The following ST14 variants were observed in gnomAD, a reference collection of about 807,000 sequenced individuals.
ST14 encodes ST14 transmembrane serine protease matriptase.
Under a neutral mutation model 96.5 loss-of-function variants are expected in ST14, and 40 were observed. The observed-to-expected ratio is 0.41, with a 90% CI of 0.32 to 0.54. The LOEUF is 0.54. Among genes scored for constraint, ST14 ranks in the 20% least tolerant of loss-of-function variants. The probability of loss-of-function intolerance (pLI) is 0.17; values close to 1 mark genes in which losing one functional copy is unlikely to be tolerated. For synonymous variants in ST14, 506 were observed against 492.1 expected, an observed-to-expected ratio of 1.03 and a Z score of -0.37; for missense variants, 1,066 against 1,188.9, an observed-to-expected ratio of 0.90 and a Z score of 1.52.
chr11:130,188,455 C>A lies in ST14; in HGVS notation c.242-75C>A. On this transcript the variant is annotated intron_variant, in intron 2 of 18. Coordinates refer to ENST00000278742, the MANE Select transcript of ST14 (RefSeq NM_021978.4). This position sits in a 1 kb window ranked among gnomAD's most constrained non-coding sequence, Gnocchi z 5.4. ...CCATGGCCCCCTCCTGGCATTCATT[C>A]CCCATTGTGGACGGCGAGGGACAGG... 6.2e-7 allele frequency: 1 copy of A among 1,609,316 alleles called. No homozygotes were observed. Among genetic ancestry groups the A allele is most frequent in the Non-Finnish European group, 8.5e-7 (1 of 1,178,816 alleles).
At chr11:130,170,409 G>T (rs189501927) in intron 1 of ST14, among the ~76,000 whole-genome samples, 27 of 152,250 alleles carry the variant, frequency 1.8e-4, no homozygotes, top group Admixed American at 1.6e-3. Context: ...TGAGGGTGGA[G>T]GGGGAGGGAG....
At chr11:130,190,007 GAGA>G in intron 5 of ST14, 103 bp from the exon 6 acceptor site, 1 of 1,610,720 alleles carries the variant, frequency 6.2e-7, no homozygotes, top group Non-Finnish European at 8.5e-7. Flanking sequence ...GTGCCCCAGA[GAGA>G]AGACTACGTG....
At chr11:130,198,469 A>T (rs1953392268) in intron 13 of ST14, 39 bp from the exon 14 acceptor site, 1 of 1,612,950 alleles carries the variant, frequency 6.2e-7, no homozygotes, top group South Asian at 1.1e-5. Flanking sequence ...GGGGCGACTG[A>T]CGGTGGCTCC....
At chr11:130,206,334 G>A (rs965302734) in intron 16 of ST14, among the ~76,000 whole-genome samples, 2 of 152,086 alleles carry the variant, frequency 1.3e-5, no homozygotes, top group East Asian at 1.9e-4. Flanking sequence ...AACAGGTTTC[G>A]CCATCATAAA....
Position 130,170,610 on chromosome 11 carries a change from G to A in ST14, c.81+10550G>A, listed in dbSNP as rs142614143. Among the ~76,000 whole-genome samples, 17 of 152,016 alleles carry A rather than the reference G, an allele frequency of 1.1e-4. 1 individual carries two copies. The East Asian group carries it at 2.9e-3, about 26-fold the overall frequency. On this transcript the variant is annotated intron_variant, in intron 1 of 18. Coordinates refer to ENST00000278742, the MANE Select transcript of ST14 (RefSeq NM_021978.4). The stretch of plus-strand genomic sequence containing the variant: ...TGGAGGGCAGGCAGGTTCGGTAGGC[G>A]GTAGGGGAGCCCAGCCATTCCGAGC...
In ST14 at chr11:130,210,055, C is replaced by A; in HGVS notation, c.*232C>A. On this transcript the variant is annotated 3_prime_UTR_variant, in exon 19 of 19. Coordinates refer to ENST00000278742, the MANE Select transcript of ST14 (RefSeq NM_021978.4). Reference sequence around the variant, plus strand: ...GACACTGGTGGTTCTACTGACCCAACTGGGGGCAAAGGTTTGAAGACACAG... The same window carrying A: ...GACACTGGTGGTTCTACTGACCCAAATGGGGGCAAAGGTTTGAAGACACAG... 1.7e-6 allele frequency: 1 copy of A among 581,800 alleles called. No individual in the cohort carries two copies. Among genetic ancestry groups the A allele is most frequent in the Non-Finnish European group, 3.0e-6 (1 of 335,070 alleles). The allele number at this position is 581,800 out of a possible 1,614,324, so 36.0% of individuals were successfully genotyped here.
At chr11:130,199,228 T>G (rs1953403007) in intron 15 of ST14, among the ~76,000 whole-genome samples, 159 bp downstream of exon 15, 1 of 152,208 alleles carries the variant, frequency 6.6e-6, no homozygotes, top group Non-Finnish European at 1.5e-5. Flanking sequence ...GCCTTGCCAG[T>G]TGGCATGAAG....
At position 130,183,633 on chromosome 11, in the gene ST14, G is replaced by A. The variant is rs538054265; in HGVS notation, c.82-4481G>A. Among the ~76,000 whole-genome samples, 11 of 152,016 alleles carry A rather than the reference G, an allele frequency of 7.2e-5. No individual in the cohort carries two copies. The South Asian group carries it at 8.3e-4, about 11-fold the overall frequency. On this transcript the variant is annotated intron_variant, in intron 1 of 18. Coordinates refer to ENST00000278742, the MANE Select transcript of ST14 (RefSeq NM_021978.4). ...TTGAATCATCTAATCCATGAACAGC[G>A]TATATTGCTCAACTAATTTAGGTCT...
At position 130,189,036 on chromosome 11, in the gene ST14, G is replaced by A. The variant is rs969593504; in HGVS notation, c.440+97G>A. 6.7e-6 allele frequency: 9 copies of A among 1,352,976 alleles called. No homozygotes were observed. The East Asian group carries it at 9.9e-5, about 15-fold the overall frequency. 83.8% of individuals were successfully genotyped at this position (1,352,976 alleles called of 1,614,324 possible). On this transcript the variant is annotated intron_variant, in intron 4 of 18. Coordinates refer to ENST00000278742, the MANE Select transcript of ST14 (RefSeq NM_021978.4). ...GGGGCAGGAAGCGGGAGATGGTGCTGGAGGTCCTGGCCTGGAGAGCCAAGG... is the reference window on the plus strand; with the variant it reads ...GGGGCAGGAAGCGGGAGATGGTGCTAGAGGTCCTGGCCTGGAGAGCCAAGG...
chr11:130,199,840 C>T (rs1591894116), intron 15 of ST14, 111 bp from the exon 16 acceptor site: 1 of 1,394,238 alleles, frequency 7.2e-7, no homozygotes, highest in Non-Finnish European at 1.0e-6. Context: ...GCTGTGCACG[C>T]CAAAAGCTGG....
At chr11:130,176,750 G>T (rs1241460626) in intron 1 of ST14, among the ~76,000 whole-genome samples, 1 of 140,232 alleles carries the variant, frequency 7.1e-6, no homozygotes. Flanking sequence ...GAGATACTTT[G>T]CATTAAAAGT....
chr11:130,197,742 T>C, intron 11 of ST14, 99 bp from the exon 12 acceptor site: 1 of 989,154 alleles, frequency 1.0e-6, no homozygotes, highest in Non-Finnish European at 1.5e-6. Context: ...CCTGCTCCTG[T>C]GTGTTTGTGG....
In ST14 at chr11:130,209,682, G is replaced by A. The variant is rs1391724196; in HGVS notation, c.2427G>A (p.Leu809=). Residue 809 remains leucine (L), a synonymous_variant, in exon 19 of 19, where the codon CTG becomes CTA. Transcript: ENST00000278742. ...CCCAGGGTGATTCCGGGGGACCCCT[G>A]TCCAGCGTGGAGGCGGATGGGCGGA... The part of the protein sequence containing the change: ...DSCQGDSGGP[L]SSVEADGRIF... 6.2e-7 allele frequency: 1 copy of A among 1,613,182 alleles called. No homozygotes were observed. The highest frequency in any genetic ancestry group is 1.3e-5 in the African/African-American group (1 of 74,924).
At position 130,187,297 on chromosome 11, in the gene ST14, G is replaced by A. The variant is rs545013247; in HGVS notation, c.82-817G>A. Among the ~76,000 whole-genome samples, 1 of 152,338 alleles carries A rather than the reference G, an allele frequency of 6.6e-6. No individual in the cohort carries two copies. The highest frequency in any genetic ancestry group is 2.4e-5 in the African/African-American group (1 of 41,584). On this transcript the variant is annotated intron_variant, in intron 1 of 18. Transcript: ENST00000278742. This position sits in a 1 kb window ranked among gnomAD's most constrained non-coding sequence, Gnocchi z 4.5. Reference sequence around the variant, plus strand: ...GAAGCCTTCGCCGGTCCGTCACTGGGTGCAGCAGACACCCCACCTGCCCCT... The same window carrying A: ...GAAGCCTTCGCCGGTCCGTCACTGGATGCAGCAGACACCCCACCTGCCCCT...
chr11:130,180,147 C>T (rs1414367813), intron 1 of ST14, among the ~76,000 whole-genome samples: 3 of 152,198 alleles, frequency 2.0e-5, no homozygotes. Context: ...GGCAGCAGCA[C>T]ACAAATCCAG....
Position 130,206,188 on chromosome 11 carries a change from G to A in ST14, c.1995-2222G>A, listed in dbSNP as rs1266707591. 2.0e-5 allele frequency among the ~76,000 whole-genome samples: 3 copies of A among 152,154 alleles called. 1 individual carries two copies. The South Asian group carries it at 6.2e-4, about 31-fold the overall frequency. On this transcript the variant is annotated intron_variant, in intron 16 of 18. Coordinates refer to ENST00000278742, the MANE Select transcript of ST14 (RefSeq NM_021978.4). Reference sequence around the variant, plus strand: ...TCTTACAGGATGCCTCTCAATTTGGGTTTTCCCGACTGTGTTTTCATGGCT... The same window carrying A: ...TCTTACAGGATGCCTCTCAATTTGGATTTTCCCGACTGTGTTTTCATGGCT...
chr11:130,159,996 C>T lies in ST14; in HGVS notation c.17C>T (p.Ala6Val). Residue 6 changes from alanine (A) to valine (V), a missense_variant, in exon 1 of 19, where the codon GCC becomes GTC. Coordinates refer to ENST00000278742, the MANE Select transcript of ST14 (RefSeq NM_021978.4). Reference protein sequence around the residue: MGSDRARKGGGGPKDF... With the variant: MGSDRVRKGGGGPKDF... ...TCGGGGACCATGGGGAGCGATCGGG[C>T]CCGCAAGGGCGGAGGGGGCCCGAAG... 7 of 1,410,088 alleles carry T rather than the reference C, an allele frequency of 5.0e-6. No individual in the cohort carries two copies. The highest frequency in any genetic ancestry group is 2.3e-4 in the Middle Eastern group (1 of 4,400). The allele number at this position is 1,410,088 out of a possible 1,614,324, so 87.3% of individuals were successfully genotyped here.
At chr11:130,173,839 C>A (rs1421044306) in intron 1 of ST14, among the ~76,000 whole-genome samples, 6 of 152,120 alleles carry the variant, frequency 3.9e-5, no homozygotes, top group Admixed American at 3.9e-4. Flanking sequence ...TGGGAGAGAG[C>A]AGAAGGCCAG....
At chr11:130,196,517 G>GC (rs1565626274) in intron 10 of ST14, 53 bp from the exon 11 acceptor site, 15 of 1,550,550 alleles carry the variant, frequency 9.7e-6, no homozygotes, top group Admixed American at 3.4e-5. Flanking sequence ...CAGACCCCCA[G>GC]CCCCCCGGCT....
Sources: gnomAD v4.1 joint callset for allele counts (sites outside exome capture counted in the v4.1 genomes callset) on GRCh38, gnomAD v4.1.1 for gene constraint, Gnocchi (gnomAD v3.1) non-coding constraint, MANE v1.5 for transcripts, NCBI Gene and HGNC (gene_info 2026-07-23, HGNC 2026-07-21) for gene names.